Variants in ARHGEF12 observed in about 807,000 individuals in gnomAD.
The protein encoded by ARHGEF12 is KMT2A/ARHGEF12 fusion protein.
Under a neutral mutation model 211.2 loss-of-function variants are expected in ARHGEF12, and 66 were observed. The observed-to-expected ratio is 0.31, with a 90% CI of 0.26 to 0.38. The LOEUF is 0.38. ARHGEF12 is among the 10% of genes least tolerant of loss of function. The probability of loss-of-function intolerance (pLI) is 1.00; values close to 1 mark genes in which losing one functional copy is unlikely to be tolerated. For synonymous variants in ARHGEF12, 592 were observed against 638.4 expected, an observed-to-expected ratio of 0.93 and a Z score of 1.09; for missense variants, 1,429 against 1,869.5, an observed-to-expected ratio of 0.76 and a Z score of 4.34.
intron 39 of ARHGEF12, among the ~76,000 whole-genome samples, chr11:120,484,094 G>A (rs949004652): frequency 1.3e-5 from 2 of 152,172 alleles, no homozygotes; most frequent in Non-Finnish European, 2.9e-5. Context: ...TATGCAGGCC[G>A]CCATGTCTTT....
At chr11:120,457,296 T>A (rs750185992) in intron 23 of ARHGEF12, 46 bp downstream of exon 23, 1 of 1,602,724 alleles carries the variant, frequency 6.2e-7, no homozygotes, top group Non-Finnish European at 8.5e-7. Context: ...TACTTAAAGT[T>A]TTTAAATTAT....
intron 14 of ARHGEF12, 49 bp downstream of exon 14, chr11:120,441,866 T>TG: frequency 6.5e-7 from 1 of 1,540,448 alleles, no homozygotes; most frequent in Middle Eastern, 1.7e-4. Flanking sequence ...TGTTGATTCA[T>TG]GTGCCATAGA....
Position 120,475,527 on chromosome 11 carries a change from G to T in ARHGEF12, c.3277+20G>T. The stretch of plus-strand genomic sequence containing the variant: ...CAACAGGCAAGTATGTCCACTGAAG[G>T]ATACTAATTTCCAGATTCATTGTGA... On this transcript the variant is annotated intron_variant, in intron 33 of 40. Coordinates refer to ENST00000397843, the MANE Select transcript of ARHGEF12 (RefSeq NM_015313.3). The T allele has an allele frequency of 6.2e-7, 1 of 1,608,462 alleles. No individual in the cohort carries two copies. The highest frequency in any genetic ancestry group is 8.5e-7 in the Non-Finnish European group (1 of 1,176,026).
intron 21 of ARHGEF12, chr11:120,450,076 TTGAAAATACTGAAGCCAGG>T (rs961845712): frequency 6.6e-6 from 1 of 152,038 alleles, no homozygotes; most frequent in African/African-American, 2.4e-5. Context: ...AGTAGCACAT[TTGAAAATACTGAAGCCAGG>T]TGCGGTGACT....
intron 38 of ARHGEF12, among the ~76,000 whole-genome samples, chr11:120,480,839 G>A (rs1449194710): frequency 1.3e-5 from 2 of 152,120 alleles, no homozygotes; most frequent in Non-Finnish European, 2.9e-5. Context: ...ATGAAATGAG[G>A]GAATAAAGCC....
At chr11:120,354,500 T>A (rs1438342006) in intron 1 of ARHGEF12, among the ~76,000 whole-genome samples, 2 of 152,244 alleles carry the variant, frequency 1.3e-5, no homozygotes. Context: ...TCTTTGTAAA[T>A]GATTTTTTGT....
At chr11:120,477,809 G>A (rs1947095136) in intron 36 of ARHGEF12, among the ~76,000 whole-genome samples, 1 of 150,354 alleles carries the variant, frequency 6.7e-6, no homozygotes, top group African/African-American at 2.5e-5. Context: ...GGAGGTTACG[G>A]TGAGCCGAGA....
intron 1 of ARHGEF12, among the ~76,000 whole-genome samples, chr11:120,399,103 C>T (rs1292421707): frequency 1.3e-5 from 2 of 151,418 alleles, no homozygotes; most frequent in Non-Finnish European, 2.9e-5. Context: ...TTGCTTGAGG[C>T]CAGGAGTTTG....
At chr11:120,435,058 C>T (rs888997179) in intron 11 of ARHGEF12, among the ~76,000 whole-genome samples, 6 of 152,090 alleles carry the variant, frequency 3.9e-5, no homozygotes, top group African/African-American at 9.7e-5. Flanking sequence ...TCTCAATACA[C>T]AATTTTATTA....
intron 6 of ARHGEF12, 34 bp from the exon 7 acceptor site, chr11:120,424,324 G>A: frequency 6.5e-7 from 1 of 1,528,488 alleles, no homozygotes; most frequent in Non-Finnish European, 9.1e-7. Context: ...TCAATAGAAT[G>A]TATCTGACAT....
intron 22 of ARHGEF12, among the ~76,000 whole-genome samples, chr11:120,456,296 A>C (rs980623708): frequency 7.9e-5 from 12 of 152,216 alleles, no homozygotes; most frequent in Non-Finnish European, 4.4e-5. Context: ...TGGACACTGA[A>C]TACCTAATCT....
chr11:120,465,409 T>C, intron 28 of ARHGEF12, 47 bp downstream of exon 28: 1 of 1,607,744 alleles, frequency 6.2e-7, no homozygotes, highest in Non-Finnish European at 8.5e-7. Context: ...CAAGTTTTTA[T>C]CAATTATCAG....
At chr11:120,414,104 A>G (rs1944960878) in intron 4 of ARHGEF12, among the ~76,000 whole-genome samples, 1 of 152,188 alleles carries the variant, frequency 6.6e-6, no homozygotes, top group African/African-American at 2.4e-5. Flanking sequence ...ATAACAGAAA[A>G]AATATGTCTT....
At chr11:120,430,621 C>G (rs928186704) in intron 10 of ARHGEF12, among the ~76,000 whole-genome samples, 2 of 152,150 alleles carry the variant, frequency 1.3e-5, no homozygotes, top group Non-Finnish European at 2.9e-5. Context: ...GATAAATTGC[C>G]TATACATTTA....
chr11:120,405,223 T>C lies in ARHGEF12; in HGVS notation c.33-895T>C, dbSNP rs530569960. Among the ~76,000 whole-genome samples, 3 of 152,316 alleles carry C rather than the reference T, an allele frequency of 2.0e-5. No homozygotes were observed. The East Asian group carries it at 5.8e-4, about 29-fold the overall frequency. On this transcript the variant is annotated intron_variant, in intron 1 of 40. Coordinates refer to ENST00000397843, the MANE Select transcript of ARHGEF12 (RefSeq NM_015313.3). ...TTTAAAACCCTAGTTTTACTGATGT[T>C]CTTAATAAAGTACGGTTCCTATTAC...
intron 12 of ARHGEF12, chr11:120,439,462 T>C (rs1945798536): frequency 6.6e-6 from 1 of 152,234 alleles, no homozygotes; most frequent in Admixed American, 6.5e-5. Context: ...GCTAAGTGTC[T>C]TAGAATGCAC....
chr11:120,475,906 A>G (rs1388229986), intron 33 of ARHGEF12: 1 of 157,044 alleles, frequency 6.4e-6, no homozygotes, highest in Non-Finnish European at 1.4e-5. Context: ...AACTCTATTA[A>G]CAACGGGGTC....
At chr11:120,379,052 A>G (rs1384528394) in intron 1 of ARHGEF12, among the ~76,000 whole-genome samples, 1 of 152,172 alleles carries the variant, frequency 6.6e-6, no homozygotes, top group East Asian at 1.9e-4. Flanking sequence ...GAGAATTGAC[A>G]TCTTAAATTA....
rs964956209 is a variant in ARHGEF12 at position 120,337,086 on chromosome 11, C to T, written c.-158C>T. On this transcript the variant is annotated 5_prime_UTR_variant, in exon 1 of 41. Coordinates refer to ENST00000397843, the MANE Select transcript of ARHGEF12 (RefSeq NM_015313.3). ...TGCTCCAAGCCGCATCCGTTGACCC[C>T]TTACAGTCGGATGGTCTAGATGACT... is the stretch of plus-strand genomic sequence containing the variant. The T allele has an allele frequency of 3.6e-6, 3 of 826,506 alleles. No homozygotes were observed. Among genetic ancestry groups the T allele is most frequent in the African/African-American group, 3.4e-5 (2 of 59,528 alleles). The allele number at this position is 826,506 out of a possible 1,614,324, so 51.2% of individuals were successfully genotyped here. A position where few individuals can be genotyped will look rare whatever the true frequency, so the allele number is the denominator to read the frequency against.
Sources: allele counts gnomAD v4.1 joint callset (sites outside exome capture counted in the v4.1 genomes callset), GRCh38; gene constraint gnomAD v4.1.1; transcripts MANE v1.5; gene names NCBI Gene and HGNC (gene_info 2026-07-23, HGNC 2026-07-21).